The following ZBBX variants were observed in gnomAD, a reference collection of about 807,000 sequenced individuals.
ZBBX encodes the protein zinc finger B-box domain containing.
A neutral mutation model predicts 108.5 loss-of-function variants in ZBBX; 101 were observed. The observed-to-expected ratio is 0.93, with a 90% confidence interval of 0.79 to 1.10. The LOEUF is 1.10. Among genes scored for constraint, ZBBX ranks in the 50% least tolerant of loss-of-function variants. The probability of loss-of-function intolerance (pLI) is 0.00; values close to 1 mark genes in which losing one functional copy is unlikely to be tolerated. For synonymous variants in ZBBX, 356 were observed against 323.4 expected, an observed-to-expected ratio of 1.10 and a Z score of -1.08; for missense variants, 1,009 against 941.4, an observed-to-expected ratio of 1.07 and a Z score of -0.94.
chr3:167,380,630 A>G (rs991199232), upstream of ZBBX, among the ~76,000 whole-genome samples: 6 of 152,184 alleles, frequency 3.9e-5, no homozygotes, highest in Admixed American at 2.0e-4. Context: ...AAATTTGACT[A>G]TCTTAATCCA....
chr3:167,200,748 T>C, the ZBBX span, among the ~76,000 whole-genome samples: 1 of 152,226 alleles, frequency 6.6e-6, no homozygotes, highest in African/African-American at 2.4e-5. Context: ...GTCTACAGAT[T>C]AGTTCTAGTA....
chr3:167,274,579 C>T (rs1727139871), intron 20 of ZBBX, among the ~76,000 whole-genome samples: 1 of 152,168 alleles, frequency 6.6e-6, no homozygotes, highest in Admixed American at 6.5e-5. Context: ...CTTCCTTACC[C>T]TTTGTTCTCC....
At chr3:167,218,183 T>C in the ZBBX span, among the ~76,000 whole-genome samples, 1 of 152,152 alleles carries the variant, frequency 6.6e-6, no homozygotes, top group Admixed American at 6.6e-5. Flanking sequence ...GGTGATGTAA[T>C]AATATGTACA....
At chr3:167,193,567 G>T in the ZBBX span, among the ~76,000 whole-genome samples, 118 of 152,194 alleles carry the variant, frequency 7.8e-4, no homozygotes, top group East Asian at 0.018. Context: ...CCCTGGCAAT[G>T]CATGTTTGTT....
chr3:167,352,464 G>A (rs1441170721), intron 8 of ZBBX, among the ~76,000 whole-genome samples: 1 of 151,970 alleles, frequency 6.6e-6, no homozygotes, highest in Admixed American at 6.6e-5. Context: ...AGACCAATAT[G>A]AGTAGTGACG....
intron 20 of ZBBX, among the ~76,000 whole-genome samples, chr3:167,276,898 G>A (rs573424294): frequency 8.5e-5 from 13 of 152,092 alleles, no homozygotes; most frequent in East Asian, 1.9e-4. Context: ...CGGATCTCTC[G>A]GTAGAAACTC....
the ZBBX span, among the ~76,000 whole-genome samples, chr3:167,184,877 C>T: frequency 6.6e-6 from 1 of 152,054 alleles, no homozygotes; most frequent in Non-Finnish European, 1.5e-5. Flanking sequence ...ATATAAGAAC[C>T]CAAATTATTG....
intron 6 of ZBBX, among the ~76,000 whole-genome samples, chr3:167,363,506 TCA>T (rs539103850): frequency 1.3e-5 from 2 of 151,986 alleles, no homozygotes; most frequent in South Asian, 4.1e-4. Flanking sequence ...CTTTCTTGTC[TCA>T]CACACACACA....
intron 3 of ZBBX, among the ~76,000 whole-genome samples, chr3:167,373,285 T>C (rs1036884091): frequency 6.6e-6 from 1 of 152,212 alleles, no homozygotes; most frequent in Admixed American, 6.5e-5. Flanking sequence ...TGCCATTTTA[T>C]ATAAGGAACC....
chr3:167,244,877 G>GA (rs899200584), intron 20 of ZBBX, among the ~76,000 whole-genome samples: 2 of 151,368 alleles, frequency 1.3e-5, no homozygotes, highest in African/African-American at 2.4e-5. Flanking sequence ...AGACTAAGGA[G>GA]AAAAAAAATA....
At chr3:167,254,078 T>C (rs956150400) in intron 20 of ZBBX, among the ~76,000 whole-genome samples, 1 of 152,194 alleles carries the variant, frequency 6.6e-6, no homozygotes, top group Non-Finnish European at 1.5e-5. Flanking sequence ...AAACTAAATA[T>C]GCCATGTGGA....
chr3:167,397,884 T>C (rs1314231940), intron 1 of ZBBX, among the ~76,000 whole-genome samples: 2 of 151,734 alleles, frequency 1.3e-5, no homozygotes, highest in Non-Finnish European at 2.9e-5. Flanking sequence ...TTACATTTGT[T>C]TGCTTGTAAA....
chr3:167,242,001 G>A (rs1468984613), intron 21 of ZBBX, among the ~76,000 whole-genome samples: 1 of 152,092 alleles, frequency 6.6e-6, no homozygotes, highest in East Asian at 1.9e-4. Flanking sequence ...TACATTCCTT[G>A]TAAGCTGATC....
chr3:167,334,506 G>A (rs557618307), intron 9 of ZBBX, among the ~76,000 whole-genome samples: 7 of 152,144 alleles, frequency 4.6e-5, no homozygotes, highest in South Asian at 2.1e-4. Flanking sequence ...CCCAGGAGGC[G>A]GAGGTTGCAG....
the ZBBX span, among the ~76,000 whole-genome samples, chr3:167,220,501 C>T: frequency 6.6e-6 from 1 of 151,968 alleles, no homozygotes; most frequent in Admixed American, 6.6e-5. Flanking sequence ...ATCACTTCAA[C>T]TGATGCTGAA....
chr3:167,377,322 T>C (rs7640635), intron 2 of ZBBX, among the ~76,000 whole-genome samples: 5,623 of 152,178 alleles, frequency 0.037, 358 homozygotes, highest in African/African-American at 0.13. Context: ...GAGAACACCA[T>C]TGGCAGAATG....
intron 20 of ZBBX, among the ~76,000 whole-genome samples, chr3:167,252,555 A>G (rs967494903): frequency 6.6e-6 from 1 of 150,902 alleles, no homozygotes; most frequent in Admixed American, 6.6e-5. Flanking sequence ...GTATTCATGA[A>G]CAGTGCACTC....
chr3:167,191,934 T>TAGAGAG, the ZBBX span, among the ~76,000 whole-genome samples: 78 of 130,220 alleles, frequency 6.0e-4, 1 homozygote, highest in Non-Finnish European at 1.0e-3. Flanking sequence ...TATATATATA[T>TAGAGAG]AGAGCAAGTT....
At chr3:167,383,558 C>T (rs754281561), upstream of ZBBX, among the ~76,000 whole-genome samples, 26 of 151,988 alleles carry the variant, frequency 1.7e-4, no homozygotes, top group Admixed American at 6.6e-4. Context: ...TTTTTCTCGG[C>T]TTTGTAATTT....
Sources: allele counts gnomAD v4.1 joint callset (sites outside exome capture counted in the v4.1 genomes callset), GRCh38; gene constraint gnomAD v4.1.1; transcripts MANE v1.5; gene names NCBI Gene and HGNC (gene_info 2026-07-23, HGNC 2026-07-21).